Variants in PDSS2 observed in about 807,000 individuals in gnomAD.
PDSS2 encodes the protein all trans-polyprenyl-diphosphate synthase PDSS2.
Under a neutral mutation model 44.5 loss-of-function variants are expected in PDSS2, and 31 were observed. The observed-to-expected ratio is 0.70, with a 90% CI of 0.52 to 0.94. The LOEUF is 0.94. Among genes scored for constraint, PDSS2 ranks in the 40% least tolerant of loss-of-function variants. The pLI is 0.00. For synonymous variants in PDSS2, 157 were observed against 180.3 expected (o/e 0.87, Z 1.03); for missense variants, 452 against 482.2 (o/e 0.94, Z 0.59).
At chr6:107,331,286 G>A (rs576626114) in intron 2 of PDSS2, among the ~76,000 whole-genome samples, 2 of 152,154 alleles carry the variant, frequency 1.3e-5, no homozygotes, top group African/African-American at 4.8e-5. Context: ...ATTAACAAGT[G>A]TGTAAAACAC....
At chr6:107,174,587 T>C (rs1359599462) in intron 7 of PDSS2, among the ~76,000 whole-genome samples, 1 of 152,166 alleles carries the variant, frequency 6.6e-6, no homozygotes, top group African/African-American at 2.4e-5. Flanking sequence ...CAAGACTTGG[T>C]ACAAAAGGAA....
intron 1 of PDSS2, among the ~76,000 whole-genome samples, chr6:107,433,244 T>G (rs571574629): frequency 1.5e-5 from 2 of 137,202 alleles, no homozygotes; most frequent in African/African-American, 5.4e-5. Flanking sequence ...CAATGCAACA[T>G]TCTTCACAGA....
At chr6:107,396,397 C>G (rs1259743043) in intron 1 of PDSS2, among the ~76,000 whole-genome samples, 1 of 152,194 alleles carries the variant, frequency 6.6e-6, no homozygotes, top group African/African-American at 2.4e-5. Context: ...CCAAGACAAT[C>G]ATAGAGTTAT....
chr6:107,161,129 C>T (rs1771110970), intron 7 of PDSS2, among the ~76,000 whole-genome samples: 1 of 152,018 alleles, frequency 6.6e-6, no homozygotes, highest in South Asian at 2.1e-4. Context: ...CCCACCTCGG[C>T]CTCCCAAAGT....
At chr6:107,434,251 G>A (rs1347591582) in intron 1 of PDSS2, among the ~76,000 whole-genome samples, 1 of 152,148 alleles carries the variant, frequency 6.6e-6, no homozygotes. Flanking sequence ...TCCCCCTGCT[G>A]GGTATATGCC....
intron 2 of PDSS2, among the ~76,000 whole-genome samples, chr6:107,332,692 T>C (rs1030625346): frequency 2.0e-5 from 3 of 152,086 alleles, no homozygotes; most frequent in East Asian, 1.9e-4. Flanking sequence ...CCATTACCAG[T>C]TGTGTCACCA....
At chr6:107,446,114 G>A (rs1271738686) in intron 1 of PDSS2, among the ~76,000 whole-genome samples, 5 of 152,032 alleles carry the variant, frequency 3.3e-5, no homozygotes, top group East Asian at 1.9e-4. Flanking sequence ...TCAAGAGATC[G>A]AGACCATCTG....
At chr6:107,322,903 A>C (rs911288328) in intron 2 of PDSS2, among the ~76,000 whole-genome samples, 1 of 152,204 alleles carries the variant, frequency 6.6e-6, no homozygotes, top group African/African-American at 2.4e-5. Flanking sequence ...TTAAGATTCC[A>C]GTAACTATAG....
intron 3 of PDSS2, among the ~76,000 whole-genome samples, chr6:107,259,674 C>CAA (rs200907014): frequency 1.6e-3 from 204 of 124,210 alleles, no homozygotes; most frequent in Admixed American, 2.4e-3. Flanking sequence ...GACTCTGTCT[C>CAA]AAAAAAAAAA....
chr6:107,231,342 A>G (rs1454881889), intron 4 of PDSS2, among the ~76,000 whole-genome samples: 1 of 152,232 alleles, frequency 6.6e-6, no homozygotes, highest in East Asian at 1.9e-4. Flanking sequence ...TCCACAAAAT[A>G]CACAGTAAGA....
At chr6:107,365,677 G>A (rs1406443176) in intron 1 of PDSS2, among the ~76,000 whole-genome samples, 6 of 152,146 alleles carry the variant, frequency 3.9e-5, no homozygotes, top group Non-Finnish European at 8.8e-5. Flanking sequence ...TAAAAGGTCA[G>A]AAGGTGATAT....
At chr6:107,160,170 C>T (rs757703697) in intron 7 of PDSS2, among the ~76,000 whole-genome samples, 6 of 152,186 alleles carry the variant, frequency 3.9e-5, no homozygotes, top group Middle Eastern at 3.4e-3. Context: ...GGGCCAAAGT[C>T]GCGCCATTGC....
chr6:107,432,349 A>G (rs193245655), intron 1 of PDSS2, among the ~76,000 whole-genome samples: 55 of 152,242 alleles, frequency 3.6e-4, no homozygotes, highest in African/African-American at 1.3e-3. Context: ...AAAACATTCT[A>G]TTTTTCATTT....
At chr6:107,294,364 T>C (rs1215877489) in intron 2 of PDSS2, among the ~76,000 whole-genome samples, 1 of 152,150 alleles carries the variant, frequency 6.6e-6, no homozygotes, top group Non-Finnish European at 1.5e-5. Flanking sequence ...CTTCACCAAG[T>C]ATTTTCATGT....
intron 2 of PDSS2, among the ~76,000 whole-genome samples, chr6:107,284,512 T>G (rs1475136174): frequency 6.6e-6 from 1 of 151,858 alleles, no homozygotes; most frequent in African/African-American, 2.4e-5. Context: ...AATACAAAAA[T>G]TAGCCTGGCG....
chr6:107,369,854 T>C (rs1214596334), intron 1 of PDSS2, among the ~76,000 whole-genome samples: 2 of 151,946 alleles, frequency 1.3e-5, no homozygotes, highest in Non-Finnish European at 1.5e-5. Flanking sequence ...ATAAAAAAAT[T>C]AGCTGGATGT....
At chr6:107,168,405 A>T (rs1771433725) in intron 7 of PDSS2, among the ~76,000 whole-genome samples, 1 of 151,682 alleles carries the variant, frequency 6.6e-6, no homozygotes, top group Non-Finnish European at 1.5e-5. Context: ...AATACAGCAC[A>T]CTGATGGGTC....
chr6:107,404,151 C>G (rs1395545659), intron 1 of PDSS2, among the ~76,000 whole-genome samples: 1 of 152,178 alleles, frequency 6.6e-6, no homozygotes, highest in Non-Finnish European at 1.5e-5. Flanking sequence ...TGACACCAGT[C>G]TCTTTGCTAA....
intron 6 of PDSS2, among the ~76,000 whole-genome samples, chr6:107,209,967 T>C (rs1430005273): frequency 1.3e-5 from 2 of 152,092 alleles, no homozygotes; most frequent in East Asian, 1.9e-4. Flanking sequence ...CACTTCGCCA[T>C]GCTTTTTTCC....
Sources: gnomAD v4.1 joint callset for allele counts (sites outside exome capture counted in the v4.1 genomes callset) on GRCh38, gnomAD v4.1.1 for gene constraint, MANE v1.5 for transcripts, NCBI Gene and HGNC (gene_info 2026-07-23, HGNC 2026-07-21) for gene names.